Variants in HLCS observed in about 807,000 individuals in gnomAD.
HLCS encodes the protein biotin--protein ligase.
In HLCS, 53 loss-of-function variants were observed where a neutral mutation model predicts 75.0. That is an observed-to-expected ratio of 0.71 (90% CI 0.57 to 0.89). HLCS has a LOEUF of 0.89. HLCS is among the 40% of genes least tolerant of loss of function. The probability of loss-of-function intolerance (pLI) is 0.00; values close to 1 mark genes in which losing one functional copy is unlikely to be tolerated. For missense variants in HLCS, 966 were observed against 1,074.0 expected, an observed-to-expected ratio of 0.90 and a Z score of 1.41; for synonymous variants, 431 against 428.6, an observed-to-expected ratio of 1.01 and a Z score of -0.07.
rs565766287 is a variant in HLCS at position 36,962,836 on chromosome 21, C to T, written c.196-666G>A. 7.0e-4 allele frequency among the ~76,000 whole-genome samples: 103 copies of T among 146,164 alleles called. 1 individual carries two copies. The highest frequency in any genetic ancestry group is 2.3e-3 in the African/African-American group (94 of 40,006). On this transcript the variant is annotated intron_variant, in intron 1 of 10. Coordinates refer to ENST00000674895, the MANE Select transcript of HLCS (RefSeq NM_001352514.2). ...AAAAAGATGAGGAGGCCTAGAAGTA[C>T]GTACCCACCAACAGAAGCTCCTTAC...
chr21:36,968,268 A>C (rs1175992413), upstream of HLCS, among the ~76,000 whole-genome samples: 1 of 152,204 alleles, frequency 6.6e-6, no homozygotes, highest in African/African-American at 2.4e-5. Flanking sequence ...CTGGGATTAC[A>C]AGTTTGAGCC....
intron 6 of HLCS, among the ~76,000 whole-genome samples, chr21:36,821,920 AAG>A (rs2061854088): frequency 6.6e-6 from 1 of 152,050 alleles, no homozygotes; most frequent in Admixed American, 6.6e-5. Context: ...GGGGAGAGGA[AAG>A]AGGGAAGAAG....
In HLCS at chr21:36,942,806, T is replaced by G. The variant is rs1238527821; in HGVS notation, c.331-3812A>C. ...ATGTAAGGCACCCGGCAAAGGCACCTGTAGTCCCAGCTACTAGGGAGGCTG... is the reference window on the plus strand; with the variant it reads ...ATGTAAGGCACCCGGCAAAGGCACCGGTAGTCCCAGCTACTAGGGAGGCTG... On this transcript the variant is annotated intron_variant, in intron 2 of 10. Coordinates refer to ENST00000674895, the MANE Select transcript of HLCS (RefSeq NM_001352514.2). Among the ~76,000 whole-genome samples the G allele has an allele frequency of 2.0e-5, 3 of 151,994 alleles. No individual in the cohort carries two copies. In the South Asian group the frequency reaches 6.2e-4, roughly 32 times the overall value.
chr21:36,859,491 A>G (rs115947085), intron 6 of HLCS, among the ~76,000 whole-genome samples: 2,318 of 152,308 alleles, frequency 0.015, 57 homozygotes, highest in African/African-American at 0.052. Context: ...GGACCCCCAC[A>G]GGGTCCACAA....
upstream of HLCS, among the ~76,000 whole-genome samples, chr21:36,967,283 A>G (rs919314948): frequency 6.6e-6 from 1 of 152,206 alleles, no homozygotes; most frequent in East Asian, 1.9e-4. Flanking sequence ...AAAAGATTTT[A>G]AGGTCAATCA....
chr21:36,762,409 G>A (rs1184796465), intron 8 of HLCS, among the ~76,000 whole-genome samples: 2 of 152,196 alleles, frequency 1.3e-5, no homozygotes, highest in African/African-American at 4.8e-5. Context: ...TTCATGGACA[G>A]AAGAAAGAGC....
intron 6 of HLCS, among the ~76,000 whole-genome samples, chr21:36,848,076 C>T (rs775873951): frequency 6.6e-6 from 1 of 152,076 alleles, no homozygotes; most frequent in South Asian, 2.1e-4. Flanking sequence ...AATGGCAAAG[C>T]GACGAACATC....
At chr21:36,850,179 T>C (rs2062941782) in intron 6 of HLCS, among the ~76,000 whole-genome samples, 1 of 152,256 alleles carries the variant, frequency 6.6e-6, no homozygotes, top group Non-Finnish European at 1.5e-5. Flanking sequence ...AACATTTTTT[T>C]CCTATAAATA....
At position 36,751,624 on chromosome 21, in the gene HLCS, C is replaced by G. The variant is rs14407; in HGVS notation, c.*2622G>C. Reference sequence around the variant, plus strand: ...AGCCTGCTGCAGTGAAACTCAACCACGATTTTCCTTTGCACACAAATCCTT... The same window carrying G: ...AGCCTGCTGCAGTGAAACTCAACCAGGATTTTCCTTTGCACACAAATCCTT... On this transcript the variant is annotated 3_prime_UTR_variant, in exon 11 of 11. Coordinates refer to ENST00000674895, the MANE Select transcript of HLCS (RefSeq NM_001352514.2). 4 of 152,250 alleles carry G rather than the reference C, an allele frequency of 2.6e-5. No individual in the cohort carries two copies. The highest frequency in any genetic ancestry group is 5.9e-5 in the Non-Finnish European group (4 of 68,108). The allele number at this position is 152,250 out of a possible 1,614,324, so 9.4% of individuals were successfully genotyped here.
chr21:36,776,832 C>T (rs59068235), intron 6 of HLCS, among the ~76,000 whole-genome samples: 16,532 of 152,244 alleles, frequency 0.11, 2,968 homozygotes, highest in African/African-American at 0.37. Context: ...ACCTGCCGTC[C>T]GAGGGCAAAG....
chr21:36,938,297 T>C (rs2066985936), intron 3 of HLCS, among the ~76,000 whole-genome samples: 2 of 152,204 alleles, frequency 1.3e-5, no homozygotes, highest in Admixed American at 1.3e-4. Flanking sequence ...TCATGAGCAA[T>C]GCAGTCATGA....
intron 6 of HLCS, among the ~76,000 whole-genome samples, chr21:36,828,684 G>A (rs1190755171): frequency 2.0e-5 from 3 of 152,098 alleles, no homozygotes; most frequent in African/African-American, 7.2e-5. Context: ...GATTAAAATT[G>A]ATCCCTAGCA....
intron 6 of HLCS, among the ~76,000 whole-genome samples, chr21:36,792,340 T>C (rs2145883311): frequency 6.6e-6 from 1 of 152,052 alleles, no homozygotes; most frequent in Admixed American, 6.5e-5. Flanking sequence ...CTGTTATCAG[T>C]GGTCAGAGCA....
intron 6 of HLCS, among the ~76,000 whole-genome samples, chr21:36,815,138 T>C (rs542053520): frequency 6.6e-6 from 1 of 151,886 alleles, no homozygotes; most frequent in East Asian, 2.0e-4. Flanking sequence ...GCAATTCTCC[T>C]GCTTCAGGCT....
chr21:36,767,314 G>A, intron 6 of HLCS, 29 bp from the exon 7 acceptor site: 7 of 1,609,092 alleles, frequency 4.4e-6, no homozygotes, highest in Non-Finnish European at 5.1e-6. Context: ...GACCGGTTAG[G>A]CCAGACATGG....
intron 6 of HLCS, among the ~76,000 whole-genome samples, chr21:36,870,910 C>A (rs3827188): frequency 6.6e-6 from 1 of 152,064 alleles, no homozygotes; most frequent in South Asian, 2.1e-4. Flanking sequence ...CCTGGCCCCC[C>A]ACTCCACCTT....
At chr21:36,869,893 C>A (rs2063711805) in intron 6 of HLCS, among the ~76,000 whole-genome samples, 1 of 152,062 alleles carries the variant, frequency 6.6e-6, no homozygotes, top group African/African-American at 2.4e-5. Context: ...AATAGGGGAA[C>A]TTTAACTTCT....
At chr21:36,819,532 AC>A (rs2061763294) in intron 6 of HLCS, among the ~76,000 whole-genome samples, 1 of 152,134 alleles carries the variant, frequency 6.6e-6, no homozygotes, top group Non-Finnish European at 1.5e-5. Flanking sequence ...ATCAGTCTAA[AC>A]TCTGCTATAT....
chr21:36,765,582 C>T (rs759719181), intron 7 of HLCS, among the ~76,000 whole-genome samples: 14 of 152,152 alleles, frequency 9.2e-5, no homozygotes, highest in Admixed American at 6.6e-5. Context: ...CCTATTGTGG[C>T]GATGGTTGCT....
Sources: allele counts gnomAD v4.1 joint callset (sites outside exome capture counted in the v4.1 genomes callset), GRCh38; gene constraint gnomAD v4.1.1; transcripts MANE v1.5; gene names NCBI Gene and HGNC (gene_info 2026-07-23, HGNC 2026-07-21).